The following CNBD2 variants were observed in gnomAD, a reference collection of about 807,000 sequenced individuals.
CNBD2 encodes cyclic nucleotide-binding domain-containing protein 2.
Under a neutral mutation model 63.7 loss-of-function variants are expected in CNBD2, and 64 were observed. That is an observed-to-expected ratio of 1.00 (90% CI 0.82 to 1.24). The LOEUF (loss-of-function observed/expected upper bound fraction) is 1.24, where lower values mean the gene tolerates loss of function less well. CNBD2 is among the 50% of genes most tolerant of loss of function. The pLI is 0.00. For missense variants in CNBD2, 691 were observed against 713.5 expected, an observed-to-expected ratio of 0.97 and a Z score of 0.36; for synonymous variants, 229 against 255.4, an observed-to-expected ratio of 0.90 and a Z score of 0.99.
At chr20:35,993,846 T>C (rs974344578) in intron 7 of CNBD2, among the ~76,000 whole-genome samples, 2 of 150,838 alleles carry the variant, frequency 1.3e-5, no homozygotes, top group African/African-American at 2.4e-5. Context: ...TGCACCACCA[T>C]GCCCAGCTAA....
At chr20:36,004,786 C>T (rs2056962324) in intron 8 of CNBD2, among the ~76,000 whole-genome samples, 1 of 152,088 alleles carries the variant, frequency 6.6e-6, no homozygotes, top group Non-Finnish European at 1.5e-5. Context: ...TGGTCTTGAA[C>T]TCCTGGCCTC....
At chr20:35,975,502 T>G (rs6060735) in intron 2 of CNBD2, among the ~76,000 whole-genome samples, 7,860 of 136,600 alleles carry the variant, frequency 0.058, 144 homozygotes, top group South Asian at 0.11. Context: ...GGGTTTCACC[T>G]TGTTAGCCAG....
rs995287278 is a variant in CNBD2 at position 35,994,576 on chromosome 20, A to T, written c.856-462A>T. On this transcript the variant is annotated intron_variant, in intron 7 of 11. Coordinates refer to ENST00000373973, the MANE Select transcript of CNBD2 (RefSeq NM_001365709.1). ...TGGTGAGTAAATAACATTTTCATTTAAAAAAAAAAAAAGAAAAAAAAAAAG... is the reference window on the plus strand; with the variant it reads ...TGGTGAGTAAATAACATTTTCATTTTAAAAAAAAAAAAGAAAAAAAAAAAG... Among the ~76,000 whole-genome samples, 698 of 131,330 alleles carry T rather than the reference A, an allele frequency of 5.3e-3. 4 individuals carry two copies. The highest frequency in any genetic ancestry group is 8.8e-3 in the Non-Finnish European group (561 of 63,478). 86.2% of individuals were successfully genotyped at this position (131,330 alleles called of 152,430 possible).
upstream of CNBD2, chr20:35,954,578 G>T (rs2147154074): frequency 6.9e-7 from 1 of 1,441,914 alleles, no homozygotes; most frequent in Admixed American, 2.2e-5. Flanking sequence ...TTCTCGAGTC[G>T]CATGAGGCGG....
intron 10 of CNBD2, among the ~76,000 whole-genome samples, chr20:36,015,914 T>G (rs1186211533): frequency 6.6e-6 from 1 of 152,182 alleles, no homozygotes; most frequent in Non-Finnish European, 1.5e-5. Context: ...TGCATAGGAC[T>G]TCCTTCCAAA....
upstream of CNBD2, among the ~76,000 whole-genome samples, chr20:35,967,124 G>A (rs2056351785): frequency 1.3e-5 from 2 of 151,940 alleles, no homozygotes; most frequent in South Asian, 4.1e-4. Context: ...ACCTAGTTCT[G>A]CCCAAGATGG....
chr20:35,988,160 A>C (rs767599670), intron 7 of CNBD2, among the ~76,000 whole-genome samples: 4 of 151,362 alleles, frequency 2.6e-5, no homozygotes, highest in Non-Finnish European at 5.9e-5. Flanking sequence ...ATGAGCCACC[A>C]GGCCCAGCCT....
intron 10 of CNBD2, among the ~76,000 whole-genome samples, chr20:36,022,194 T>TC (rs2057221379): frequency 8.7e-6 from 1 of 114,720 alleles, no homozygotes; most frequent in Admixed American, 7.8e-5. Flanking sequence ...CTTTTTTTTT[T>TC]CTTTTTTTTT....
intron 10 of CNBD2, 152 bp downstream of exon 10, chr20:36,011,409 G>A (rs1324454379): frequency 1.1e-5 from 11 of 1,020,098 alleles, no homozygotes; most frequent in African/African-American, 8.3e-5. Context: ...AGAATAGGCC[G>A]GGCGCGGTGG....
At position 36,011,267 on chromosome 20, in the gene CNBD2, C is replaced by A; in HGVS notation, c.1269+10C>A. ...GCAGGGAGAAATTTTGGTGAGTGTGCCAAGAGCTCTGTTCACCATGGAGTA... is the reference window on the plus strand; with the variant it reads ...GCAGGGAGAAATTTTGGTGAGTGTGACAAGAGCTCTGTTCACCATGGAGTA... On this transcript the variant is annotated intron_variant, in intron 10 of 11. Transcript: ENST00000373973. The A allele has an allele frequency of 6.5e-7, 1 of 1,540,600 alleles. No individual in the cohort carries two copies. The highest frequency in any genetic ancestry group is 8.8e-7 in the Non-Finnish European group (1 of 1,141,168).
chr20:36,007,533 T>C (rs1424130198), intron 8 of CNBD2, among the ~76,000 whole-genome samples: 2 of 152,160 alleles, frequency 1.3e-5, no homozygotes, highest in African/African-American at 4.8e-5. Flanking sequence ...TTATCTGCAA[T>C]TCTTTTTTTT....
intron 9 of CNBD2, 23 bp from the exon 10 acceptor site, chr20:36,011,114 T>G (rs370039184): frequency 1.9e-5 from 28 of 1,503,490 alleles, no homozygotes; most frequent in Non-Finnish European, 2.4e-5. Context: ...AGATGAGCTC[T>G]CTAACAAGCT....
rs1220639656 is a variant in CNBD2, at chr20:35,972,705, T to C, written c.128T>C (p.Phe43Ser). ...CKMFRQGLRGFREYQIIETAH... is the reference protein window; with the variant it reads ...CKMFRQGLRGSREYQIIETAH... ...ATGTTCCGCCAAGGCCTCAGGGGAT[T>C]CCGGGAATATCAAATCATTGAGACT... Residue 43 changes from phenylalanine (F) to serine (S), a missense_variant, in exon 2 of 12, where the codon TTC (phenylalanine) becomes TCC (serine). Transcript: ENST00000373973. 1 of 1,614,060 alleles carries C rather than the reference T, an allele frequency of 6.2e-7. No homozygotes were observed. Among genetic ancestry groups the C allele is most frequent in the South Asian group, 1.1e-5 (1 of 91,070 alleles).
At chr20:36,012,458 C>T (rs2057074553) in intron 10 of CNBD2, among the ~76,000 whole-genome samples, 1 of 145,428 alleles carries the variant, frequency 6.9e-6, no homozygotes, top group Non-Finnish European at 1.5e-5. Context: ...TCTTGGGTGA[C>T]AAGAGCGAAA....
chr20:36,007,963 G>A (rs1401074508), intron 8 of CNBD2, among the ~76,000 whole-genome samples: 2 of 152,136 alleles, frequency 1.3e-5, no homozygotes, highest in African/African-American at 4.8e-5. Context: ...GATAAATATG[G>A]TCTGTTAATG....
At chr20:36,030,283 G>A (rs1032683508) in intron 11 of CNBD2, 74 bp from the exon 12 acceptor site, 2 of 1,401,026 alleles carry the variant, frequency 1.4e-6, no homozygotes, top group African/African-American at 2.8e-5. Context: ...GCTTAGGGAG[G>A]GGAGAGTGGC....
chr20:35,980,354 G>A, intron 3 of CNBD2, 105 bp from the exon 4 acceptor site: 2 of 1,050,760 alleles, frequency 1.9e-6, no homozygotes, highest in Non-Finnish European at 2.9e-6. Flanking sequence ...AGCCACTGTG[G>A]TACAGGGAAC....
At chr20:35,981,320 T>G (rs1396440679) in intron 4 of CNBD2, among the ~76,000 whole-genome samples, 2 of 152,206 alleles carry the variant, frequency 1.3e-5, no homozygotes, top group African/African-American at 2.4e-5. Context: ...TCATCTTTAC[T>G]TCAGTGAACA....
At chr20:36,008,538 T>A (rs529418551) in intron 9 of CNBD2, 64 bp downstream of exon 9, 1 of 1,468,686 alleles carries the variant, frequency 6.8e-7, no homozygotes, top group African/African-American at 1.4e-5. Context: ...ATAATACTTA[T>A]ATGGCAGAAT....
Sources: gnomAD v4.1 joint callset for allele counts (sites outside exome capture counted in the v4.1 genomes callset) on GRCh38, gnomAD v4.1.1 for gene constraint, MANE v1.5 for transcripts, NCBI Gene and HGNC (gene_info 2026-07-23, HGNC 2026-07-21) for gene names.